CHMP7: variants seen among roughly 807,000 people sequenced by gnomAD.
CHMP7 encodes the protein CHMP family, member 7.
CHMP7 carries 15 observed loss-of-function variants against 53.7 expected under a neutral mutation model. The observed-to-expected ratio is 0.28, with a 90% CI of 0.19 to 0.43. The LOEUF (loss-of-function observed/expected upper bound fraction) is 0.43, where lower values mean the gene tolerates loss of function less well. Ranked by LOEUF, CHMP7 falls within the 20% of genes least tolerant of loss-of-function variation. The probability of loss-of-function intolerance (pLI) is 1.00; values close to 1 mark genes in which losing one functional copy is unlikely to be tolerated. For synonymous variants in CHMP7, 261 were observed against 228.0 expected (o/e 1.14, Z -1.30); for missense variants, 527 against 569.4 (o/e 0.93, Z 0.76).
chr8:23,248,766 CCTT>C (rs1801807208), intron 2 of CHMP7, among the ~76,000 whole-genome samples: 3 of 152,232 alleles, frequency 2.0e-5, no homozygotes, highest in South Asian at 2.1e-4. Context: ...AGCAAGAAGT[CCTT>C]CTCTGTACAT....
intron 1 of CHMP7, among the ~76,000 whole-genome samples, chr8:23,245,897 GACAT>G (rs1801667738): frequency 6.6e-6 from 1 of 152,160 alleles, no homozygotes; most frequent in Admixed American, 6.5e-5. Flanking sequence ...CAAATTTGTG[GACAT>G]ACAGTTATTC....
At chr8:23,249,139 G>C in intron 2 of CHMP7, 71 bp from the exon 3 acceptor site, 1 of 1,319,472 alleles carries the variant, frequency 7.6e-7, no homozygotes. Context: ...TTAGGGTAAA[G>C]GGGGAGCTAG....
chr8:23,249,447 G>T (rs1193478935), intron 3 of CHMP7, 66 bp downstream of exon 3: 4 of 1,315,918 alleles, frequency 3.0e-6, no homozygotes, highest in Non-Finnish European at 4.1e-6. Flanking sequence ...CACGTCCCTT[G>T]TGTGCGTTCT....
intron 5 of CHMP7, 115 bp downstream of exon 5, chr8:23,256,708 T>A: frequency 1.6e-6 from 1 of 638,206 alleles, no homozygotes. Flanking sequence ...TTTTTTTAGC[T>A]AATTACAAAA....
At position 23,260,182 on chromosome 8, in the gene CHMP7, C is replaced by G. The variant is rs773439802; in HGVS notation, c.1159C>G (p.Leu387Val). The change falls in exon 10 of 11, where the codon CTC becomes GTC. Residue 387 changes from leucine to valine, a missense_variant. By Grantham distance (32) the Leu-to-Val change is conservative. Coordinates refer to ENST00000397677, the MANE Select transcript of CHMP7 (RefSeq NM_152272.5). Reference sequence around the variant, plus strand: ...AGAACTGGAGAAGGAATTGGACATCCTCCTTCAGGATACCACCAAAGAACC... The same window carrying G: ...AGAACTGGAGAAGGAATTGGACATCGTCCTTCAGGATACCACCAAAGAACC... ...SEELEKELDILLQDTTKEPLD... is the reference protein window; with the variant it reads ...SEELEKELDIVLQDTTKEPLD... 8 of 1,613,998 alleles carry G rather than the reference C, an allele frequency of 5.0e-6. No homozygotes were observed. The highest frequency in any genetic ancestry group is 1.3e-5 in the African/African-American group (1 of 74,912).
chr8:23,260,169 G>A lies in CHMP7; in HGVS notation c.1146G>A (p.Lys382=). Residue 382 remains lysine, a synonymous_variant, in exon 10 of 11, where the codon AAG becomes AAA. Coordinates refer to ENST00000397677, the MANE Select transcript of CHMP7 (RefSeq NM_152272.5). Reference sequence around the variant, plus strand: ...ATTTTGACAGTGAAGAACTGGAGAAGGAATTGGACATCCTCCTTCAGGATA... The same window carrying A: ...ATTTTGACAGTGAAGAACTGGAGAAAGAATTGGACATCCTCCTTCAGGATA... The part of the protein sequence containing the change: ...GLDFDSEELE[K]ELDILLQDTT... The A allele has an allele frequency of 6.2e-7, 1 of 1,614,156 alleles. No individual in the cohort carries two copies. Among genetic ancestry groups the A allele is most frequent in the South Asian group, 1.1e-5 (1 of 91,068 alleles).
Position 23,246,661 on chromosome 8 carries a change from C to T in CHMP7, c.-35C>T, listed in dbSNP as rs1339560646. The stretch of plus-strand genomic sequence containing the variant: ...AGGGCGGAAGCGGACCAGGGCCAGG[C>T]TTGTGTTCGCAGCCTTGCCGGGGCT... On this transcript the variant is annotated 5_prime_UTR_variant, in exon 2 of 11. Coordinates refer to ENST00000397677, the MANE Select transcript of CHMP7 (RefSeq NM_152272.5). The T allele has an allele frequency of 6.5e-7, 1 of 1,533,672 alleles. No homozygotes were observed. Among genetic ancestry groups the T allele is most frequent in the African/African-American group, 1.4e-5 (1 of 72,690 alleles).
At chr8:23,250,619 CCTGTGT>C (rs1485375906) in intron 3 of CHMP7, among the ~76,000 whole-genome samples, 5 of 111,896 alleles carry the variant, frequency 4.5e-5, no homozygotes, top group South Asian at 3.6e-4. Flanking sequence ...GTGATAGGGG[CCTGTGT>C]GTGTGTGTGT....
intron 3 of CHMP7, among the ~76,000 whole-genome samples, chr8:23,253,904 T>C (rs1563407086): frequency 6.6e-6 from 1 of 152,116 alleles, no homozygotes; most frequent in Admixed American, 6.5e-5. Flanking sequence ...CGTCTCCCAA[T>C]TGGCAGTTAG....
intron 9 of CHMP7, 39 bp from the exon 10 acceptor site, chr8:23,260,105 C>T (rs1487285463): frequency 1.9e-6 from 3 of 1,556,546 alleles, no homozygotes; most frequent in Middle Eastern, 1.7e-4. Flanking sequence ...GCATTTCTCC[C>T]TTGAGTTTAT....
chr8:23,252,805 A>G (rs549522613), intron 3 of CHMP7, among the ~76,000 whole-genome samples: 28 of 152,076 alleles, frequency 1.8e-4, no homozygotes, highest in Admixed American at 1.2e-3. Context: ...GGAAAGCTCT[A>G]TTTTCTTCCA....
At chr8:23,252,195 CTT>C (rs373288680) in intron 3 of CHMP7, among the ~76,000 whole-genome samples, 4 of 105,288 alleles carry the variant, frequency 3.8e-5, no homozygotes, top group Non-Finnish European at 6.1e-5. Flanking sequence ...ATTGTGTTAT[CTT>C]TTTTTTTTTT....
intron 1 of CHMP7, among the ~76,000 whole-genome samples, 157 bp downstream of exon 1, chr8:23,244,001 CT>C (rs35651662): frequency 4.2e-4 from 62 of 149,038 alleles, no homozygotes; most frequent in East Asian, 3.1e-3. Flanking sequence ...TATTCTTTTT[CT>C]TTTTTTTTTG....
rs1802386355 is a variant in CHMP7 at position 23,261,439 on chromosome 8, A to G, written c.*840A>G. 6.5e-6 allele frequency: 1 copy of G among 152,732 alleles called. No individual in the cohort carries two copies. Among genetic ancestry groups the G allele is most frequent in the African/African-American group, 2.4e-5 (1 of 41,448 alleles). 9.5% of individuals were successfully genotyped at this position (152,732 alleles called of 1,614,324 possible). Reference sequence around the variant, plus strand: ...TGGAGTAACTTAAAAATACATATCTATCTTCCAGAACAAGCCACACAACAA... The same window carrying G: ...TGGAGTAACTTAAAAATACATATCTGTCTTCCAGAACAAGCCACACAACAA... On this transcript the variant is annotated 3_prime_UTR_variant, in exon 11 of 11. Coordinates refer to ENST00000397677, the MANE Select transcript of CHMP7 (RefSeq NM_152272.5).
At chr8:23,250,589 C>A (rs1214764522) in intron 3 of CHMP7, among the ~76,000 whole-genome samples, 1 of 151,142 alleles carries the variant, frequency 6.6e-6, no homozygotes, top group African/African-American at 2.4e-5. Context: ...ACCCCCTCCA[C>A]CCAGACTGCT....
At chr8:23,249,961 C>G (rs1012040283) in intron 3 of CHMP7, among the ~76,000 whole-genome samples, 2 of 152,198 alleles carry the variant, frequency 1.3e-5, no homozygotes, top group Non-Finnish European at 2.9e-5. Context: ...TCAGCAACAC[C>G]CTCAGCTCCT....
chr8:23,249,346 G>A lies in CHMP7; in HGVS notation c.436G>A (p.Ala146Thr). The A allele has an allele frequency of 1.2e-6, 2 of 1,611,326 alleles. No individual in the cohort carries two copies. Among genetic ancestry groups the A allele is most frequent in the Non-Finnish European group, 1.7e-6 (2 of 1,178,824 alleles). The change falls in exon 3 of 11, where the codon GCT becomes ACT. Residue 146 changes from alanine to threonine, a missense_variant. Physicochemically the swap from Ala to Thr is moderately conservative, Grantham distance 58. Coordinates refer to ENST00000397677, the MANE Select transcript of CHMP7 (RefSeq NM_152272.5). The part of the protein sequence containing the change: ...SNMLGDNKVP[A>T]EEVLVAVELL... ...CATGCTGGGAGATAATAAGGTTCCA[G>A]CTGAGGAGGTCCTTGTCGCTGTGGA...
chr8:23,255,478 T>A, intron 4 of CHMP7, 46 bp downstream of exon 4: 2 of 1,573,208 alleles, frequency 1.3e-6, no homozygotes. Context: ...AGTGATTGAT[T>A]AAGTACATAG....
chr8:23,260,649 G>C lies in CHMP7; in HGVS notation c.*50G>C, dbSNP rs2294124. ...GTAAAAGAGAGACCAGGCTTGCTGG[G>C]TGTGTACATAGTTATTTAAACAAGA... On this transcript the variant is annotated 3_prime_UTR_variant, in exon 11 of 11. Transcript: ENST00000397677. The C allele has an allele frequency of 0.032, 43,420 of 1,348,220 alleles. 3,466 individuals are homozygous for C. In the East Asian group the frequency reaches 0.34, roughly 11 times the overall value. 83.5% of individuals were successfully genotyped at this position (1,348,220 alleles called of 1,614,324 possible). A position where few individuals can be genotyped will look rare whatever the true frequency, so the allele number is the denominator to read the frequency against.
Sources: gnomAD v4.1 joint callset for allele counts (sites outside exome capture counted in the v4.1 genomes callset) on GRCh38, gnomAD v4.1.1 for gene constraint, MANE v1.5 for transcripts, NCBI Gene and HGNC (gene_info 2026-07-23, HGNC 2026-07-21) for gene names.